The following CALN1 variants were observed in gnomAD, a reference collection of about 807,000 sequenced individuals.
The protein encoded by CALN1 is calneuron 1.
CALN1 carries 17 observed loss-of-function variants against 30.6 expected under a neutral mutation model. That is an observed-to-expected ratio of 0.56 (90% CI 0.38 to 0.83). The LOEUF (loss-of-function observed/expected upper bound fraction) is 0.83. Ranked by LOEUF, CALN1 falls within the 40% of genes least tolerant of loss-of-function variation. The probability of loss-of-function intolerance (pLI) is 0.00; values close to 1 mark genes in which losing one functional copy is unlikely to be tolerated. For synonymous variants in CALN1, 156 were observed against 131.4 expected, an observed-to-expected ratio of 1.19 and a Z score of -1.28; for missense variants, 291 against 354.9, an observed-to-expected ratio of 0.82 and a Z score of 1.45.
chr7:71,826,233 C>T (rs1788907060), intron 5 of CALN1, among the ~76,000 whole-genome samples: 1 of 151,792 alleles, frequency 6.6e-6, no homozygotes, highest in Non-Finnish European at 1.5e-5. Context: ...GGGGATGGGG[C>T]CAGGGCATGT....
intron 2 of CALN1, among the ~76,000 whole-genome samples, chr7:72,367,706 ACG>A (rs1803957119): frequency 1.3e-5 from 2 of 152,312 alleles, no homozygotes; most frequent in Admixed American, 1.3e-4. Context: ...TTGGTGGCAC[ACG>A]CCTGTGGTCC....
intron 5 of CALN1, among the ~76,000 whole-genome samples, chr7:71,954,072 C>T (rs958932066): frequency 1.3e-5 from 2 of 152,174 alleles, no homozygotes; most frequent in African/African-American, 4.8e-5. Context: ...GCCTGTAATC[C>T]CAGCACTTTG....
chr7:72,347,229 TTTTTTTCTTTTTTTTTTTCC>T (rs997114293), intron 2 of CALN1, among the ~76,000 whole-genome samples: 1 of 151,864 alleles, frequency 6.6e-6, no homozygotes, highest in African/African-American at 2.4e-5. Flanking sequence ...CAAAGACAAT[TTTTTTTCTTTTTTTTTTTCC>T]TTTTTTCTTT....
intron 4 of CALN1, among the ~76,000 whole-genome samples, chr7:72,096,066 T>TAGATAGAC (rs925689590): frequency 6.6e-6 from 1 of 151,424 alleles, no homozygotes; most frequent in African/African-American, 2.4e-5. Flanking sequence ...GATAGATAGA[T>TAGATAGAC]AGATAGATAG....
chr7:71,949,660 A>G (rs1242063202), intron 5 of CALN1, among the ~76,000 whole-genome samples: 1 of 151,944 alleles, frequency 6.6e-6, no homozygotes, highest in Non-Finnish European at 1.5e-5. Flanking sequence ...GCTTACAGGC[A>G]TGAGCCACCA....
chr7:72,345,457 G>T (rs1387899513), intron 2 of CALN1, among the ~76,000 whole-genome samples: 1 of 143,588 alleles, frequency 7.0e-6, no homozygotes, highest in East Asian at 2.1e-4. Context: ...AAGACAAAAA[G>T]ACAAAAGAAA....
intron 3 of CALN1, among the ~76,000 whole-genome samples, chr7:72,249,782 C>A (rs1795426239): frequency 6.6e-6 from 1 of 151,966 alleles, no homozygotes. Flanking sequence ...ACAAAAAATA[C>A]AAAAATTAGC....
Position 71,822,110 on chromosome 7 carries a change from A to G in CALN1, c.502-11618T>C, listed in dbSNP as rs376268418. 3.6e-3 allele frequency among the ~76,000 whole-genome samples: 555 copies of G among 152,102 alleles called. 4 individuals are homozygous for G. Among genetic ancestry groups the G allele is most frequent in the African/African-American group, 0.012 (516 of 41,496 alleles). Reference sequence around the variant, plus strand: ...AACTTTTTAATGTTATATTTTAGAGATATGTCTCTTACAAGGAGGCTAGAA... The same window carrying G: ...AACTTTTTAATGTTATATTTTAGAGGTATGTCTCTTACAAGGAGGCTAGAA... On this transcript the variant is annotated intron_variant, in intron 5 of 6. Coordinates refer to ENST00000395275, the MANE Select transcript of CALN1 (RefSeq NM_031468.4).
chr7:71,794,537 C>T (rs781594311), intron 6 of CALN1, among the ~76,000 whole-genome samples: 15 of 152,164 alleles, frequency 9.9e-5, no homozygotes, highest in African/African-American at 2.2e-4. Flanking sequence ...CTTCTGCGAG[C>T]GTCAGTTTCT....
chr7:72,450,768 T>A (rs1808641237), upstream of CALN1, among the ~76,000 whole-genome samples: 1 of 151,992 alleles, frequency 6.6e-6, no homozygotes. Flanking sequence ...TAATCCCAGC[T>A]ACTCGGGAGG....
intron 5 of CALN1, among the ~76,000 whole-genome samples, chr7:71,943,691 C>T (rs1048069611): frequency 6.6e-6 from 1 of 152,134 alleles, no homozygotes; most frequent in East Asian, 1.9e-4. Flanking sequence ...ATTCACCCAC[C>T]TCGGACTCCC....
intron 5 of CALN1, among the ~76,000 whole-genome samples, chr7:71,866,903 G>C (rs1584404465): frequency 1.3e-5 from 2 of 152,254 alleles, no homozygotes; most frequent in Admixed American, 1.3e-4. Flanking sequence ...CCAGCACTTT[G>C]GGAGGCCGAA....
At chr7:72,151,566 T>C (rs1273418350) in intron 3 of CALN1, among the ~76,000 whole-genome samples, 1 of 152,138 alleles carries the variant, frequency 6.6e-6, no homozygotes, top group Non-Finnish European at 1.5e-5. Context: ...GAGTCTATCA[T>C]CAGTGCTGCC....
intron 3 of CALN1, among the ~76,000 whole-genome samples, chr7:72,124,064 C>T (rs1324603605): frequency 2.6e-5 from 4 of 152,168 alleles, no homozygotes; most frequent in Non-Finnish European, 2.9e-5. Context: ...AGTTACAAGA[C>T]AGTAGGCCAA....
intron 2 of CALN1, among the ~76,000 whole-genome samples, chr7:72,325,237 G>T (rs189107239): frequency 6.6e-6 from 1 of 152,306 alleles, no homozygotes; most frequent in East Asian, 1.9e-4. Context: ...AGTTGAGGCT[G>T]CAGTGAGCCA....
chr7:72,468,302 A>G, the CALN1 span, among the ~76,000 whole-genome samples: 6 of 152,128 alleles, frequency 3.9e-5, no homozygotes, highest in South Asian at 1.2e-3. Context: ...TTCTGTGTTC[A>G]ACTGCTTTTT....
chr7:72,409,737 T>A lies in CALN1; in HGVS notation c.-74+2321A>T, dbSNP rs534797327. ...TCATAAGCATGGGTTAAATGGTTTT[T>A]AGCCTCTGGGACCCCATGGAACAGT... On this transcript the variant is annotated intron_variant, in intron 1 of 6. Transcript: ENST00000395275. Among the ~76,000 whole-genome samples, 6 of 152,216 alleles carry A rather than the reference T, an allele frequency of 3.9e-5. No individual in the cohort carries two copies. The South Asian group carries it at 1.2e-3, about 32-fold the overall frequency.
At position 71,784,566 on chromosome 7, in the gene CALN1, AG is replaced by A. The variant is rs1055992984; in HGVS notation, c.*3208del. Reference sequence around the variant, plus strand: ...TGGGGCGCAGCTTCTTTGGGGATCAAGGGGGTCAGGGTCCATTTCCCCTTCT... The same window carrying A: ...TGGGGCGCAGCTTCTTTGGGGATCAAGGGGTCAGGGTCCATTTCCCCTTCT... On this transcript the variant is annotated 3_prime_UTR_variant, in exon 7 of 7. Coordinates refer to ENST00000395275, the MANE Select transcript of CALN1 (RefSeq NM_031468.4). The A allele has an allele frequency of 4.3e-4, 152 of 355,790 alleles. No homozygotes were observed. Among genetic ancestry groups the A allele is most frequent in the African/African-American group, 3.2e-3 (147 of 46,274 alleles). The allele number at this position is 355,790 out of a possible 1,614,324, so 22.0% of individuals were successfully genotyped here.
chr7:72,388,875 T>G (rs1805401817), intron 2 of CALN1, among the ~76,000 whole-genome samples: 1 of 152,188 alleles, frequency 6.6e-6, no homozygotes, highest in African/African-American at 2.4e-5. Flanking sequence ...TTCTAGTTGG[T>G]GCAATGCTTT....
Sources: allele counts gnomAD v4.1 joint callset (sites outside exome capture counted in the v4.1 genomes callset), GRCh38; gene constraint gnomAD v4.1.1; transcripts MANE v1.5; gene names NCBI Gene and HGNC (gene_info 2026-07-23, HGNC 2026-07-21).